Variants in FSTL5 observed in about 807,000 individuals in gnomAD.
FSTL5 encodes follistatin like 5.
Under a neutral mutation model 89.1 loss-of-function variants are expected in FSTL5, and 62 were observed. That is an observed-to-expected ratio of 0.70 (90% confidence interval 0.57 to 0.86). The LOEUF is 0.86. Among genes scored for constraint, FSTL5 ranks in the 40% least tolerant of loss-of-function variants. The pLI, the probability that FSTL5 is intolerant of heterozygous loss-of-function variation, is 0.00. For missense variants in FSTL5, 1,057 were observed against 1,001.6 expected (o/e 1.06, Z -0.75); for synonymous variants, 383 against 346.2 (o/e 1.11, Z -1.18).
intron 4 of FSTL5, among the ~76,000 whole-genome samples, chr4:161,818,576 C>T (rs1363367988): frequency 1.3e-5 from 2 of 152,198 alleles, no homozygotes; most frequent in African/African-American, 4.8e-5. Context: ...GCCTACCTGT[C>T]TATATGCTCC....
chr4:161,481,363 C>A (rs1433221169), intron 12 of FSTL5, among the ~76,000 whole-genome samples, 194 bp from the exon 13 acceptor site: 1 of 151,918 alleles, frequency 6.6e-6, no homozygotes, highest in African/African-American at 2.4e-5. Context: ...AAATGAGATT[C>A]CTTTAAAATA....
chr4:161,416,316 C>A (rs562949012), intron 15 of FSTL5, among the ~76,000 whole-genome samples: 5 of 152,112 alleles, frequency 3.3e-5, no homozygotes, highest in Admixed American at 6.5e-5. Context: ...CATTCAACTT[C>A]TTTAATTTAT....
chr4:161,965,709 C>A (rs549775843), intron 3 of FSTL5, among the ~76,000 whole-genome samples: 73 of 152,200 alleles, frequency 4.8e-4, no homozygotes, highest in African/African-American at 1.7e-3. Context: ...TTGTTTACTG[C>A]TGGCATAGTG....
At chr4:161,674,233 G>A (rs150279025) in intron 6 of FSTL5, among the ~76,000 whole-genome samples, 2,313 of 151,988 alleles carry the variant, frequency 0.015, 67 homozygotes, top group South Asian at 0.13. Context: ...ATATGTGTAA[G>A]AAGCTAAAAT....
chr4:161,675,825 T>A (rs1737282842), intron 6 of FSTL5, among the ~76,000 whole-genome samples: 2 of 152,068 alleles, frequency 1.3e-5, no homozygotes, highest in African/African-American at 4.8e-5. Context: ...TTAATGTATA[T>A]CTTATATGGA....
intron 3 of FSTL5, among the ~76,000 whole-genome samples, chr4:161,929,633 T>C (rs1470132361): frequency 6.6e-6 from 1 of 150,440 alleles, no homozygotes; most frequent in Non-Finnish European, 1.5e-5. Context: ...TAATCTTAAC[T>C]ACCACTCTAG....
chr4:161,664,561 C>A (rs139160941), intron 6 of FSTL5, among the ~76,000 whole-genome samples: 1 of 152,154 alleles, frequency 6.6e-6, no homozygotes, highest in Non-Finnish European at 1.5e-5. Context: ...ATATCACCAT[C>A]AGCATTTTTG....
intron 2 of FSTL5, among the ~76,000 whole-genome samples, chr4:162,109,648 GT>G (rs1463718731): frequency 7.9e-5 from 12 of 151,758 alleles, no homozygotes; most frequent in African/African-American, 1.5e-4. Flanking sequence ...ATTGAAAATA[GT>G]TTGTTTATAA....
chr4:161,488,288 G>A (rs962713347), intron 12 of FSTL5, among the ~76,000 whole-genome samples: 4 of 152,016 alleles, frequency 2.6e-5, no homozygotes, highest in African/African-American at 9.7e-5. Context: ...AGGTAGTCAT[G>A]GTAACGTGGG....
At chr4:162,140,981 T>A (rs1732709155) in intron 1 of FSTL5, among the ~76,000 whole-genome samples, 1 of 151,964 alleles carries the variant, frequency 6.6e-6, no homozygotes, top group Admixed American at 6.6e-5. Context: ...GTTTGGGTCA[T>A]GGGGGTAGAT....
In FSTL5 at chr4:162,079,033, A is replaced by T. The variant is rs1388833; in HGVS notation, c.126+32238T>A. ...ACACATAATGGTTAGTGGAGGAAGG[A>T]CGTTTTACGATCCAGATGAAAGTTA... On this transcript the variant is annotated intron_variant, in intron 2 of 15. Coordinates refer to ENST00000306100, the MANE Select transcript of FSTL5 (RefSeq NM_020116.5). Among the ~76,000 whole-genome samples the T allele has an allele frequency of 7.1e-3, 1,071 of 151,770 alleles. 12 individuals carry two copies. The highest frequency in any genetic ancestry group is 0.024 in the African/African-American group (1,011 of 41,482).
Position 161,542,603 on chromosome 4 carries a change from T to A in FSTL5, c.1106A>T (p.Lys369Met), listed in dbSNP as rs1731865338. The A allele has an allele frequency of 6.4e-7, 1 of 1,570,700 alleles. No individual in the cohort carries two copies. The highest frequency in any genetic ancestry group is 1.4e-5 in the African/African-American group (1 of 73,160). Residue 369 changes from lysine (K) to methionine (M), a missense_variant, in exon 9 of 16, where the codon AAG becomes ATG. Around this residue, in one of 3 missense-constraint regions of FSTL5, gnomAD observed 980 missense variants for 903.2 expected, o/e 1.08. Transcript: ENST00000306100. ...SLRCHAEGIP[K>M]PQLGWLKNGI... ...ATTCTTCAACCAGCCAAGCTGAGGC[T>A]TTGGTATGCCCTCTGCATGGCACCT...
intron 3 of FSTL5, among the ~76,000 whole-genome samples, chr4:161,961,591 A>T (rs1735178303): frequency 6.6e-6 from 1 of 151,390 alleles, no homozygotes; most frequent in Non-Finnish European, 1.5e-5. Context: ...TCTGAAGAGC[A>T]TTCTTTCTTT....
At chr4:161,631,625 T>C (rs1016492684) in intron 7 of FSTL5, among the ~76,000 whole-genome samples, 2 of 152,026 alleles carry the variant, frequency 1.3e-5, no homozygotes, top group South Asian at 4.1e-4. Flanking sequence ...TCTAAATAAA[T>C]TAATAAATAA....
intron 6 of FSTL5, among the ~76,000 whole-genome samples, chr4:161,755,095 C>G (rs1740525201): frequency 6.6e-6 from 1 of 151,984 alleles, no homozygotes; most frequent in South Asian, 2.1e-4. Flanking sequence ...TGTCACTAAA[C>G]TTATTATTTA....
intron 15 of FSTL5, among the ~76,000 whole-genome samples, chr4:161,415,381 G>A (rs530307621): frequency 1.3e-5 from 2 of 152,058 alleles, no homozygotes; most frequent in East Asian, 3.9e-4. Context: ...TCAGCTTCCT[G>A]AGTGGCTTGG....
intron 6 of FSTL5, among the ~76,000 whole-genome samples, chr4:161,664,025 C>T (rs1736802977): frequency 6.6e-6 from 1 of 152,176 alleles, no homozygotes; most frequent in African/African-American, 2.4e-5. Flanking sequence ...CGGTGAGACA[C>T]AGAGCAACAA....
intron 6 of FSTL5, among the ~76,000 whole-genome samples, chr4:161,718,179 T>C (rs1331776758): frequency 6.6e-6 from 1 of 152,190 alleles, no homozygotes; most frequent in Non-Finnish European, 1.5e-5. Flanking sequence ...ATTTATAGCT[T>C]AATAACTGAA....
intron 4 of FSTL5, among the ~76,000 whole-genome samples, chr4:161,845,072 CA>C (rs1325690540): frequency 5.3e-5 from 8 of 152,026 alleles, no homozygotes; most frequent in African/African-American, 1.9e-4. Context: ...GAACAGAAAA[CA>C]ACAATATTCT....
Sources: gnomAD v4.1 joint callset for allele counts (sites outside exome capture counted in the v4.1 genomes callset) on GRCh38, gnomAD v4.1.1 for gene constraint, gnomAD v4.1.1 regional missense constraint, MANE v1.5 for transcripts, NCBI Gene and HGNC (gene_info 2026-07-23, HGNC 2026-07-21) for gene names.